RBM39: variants seen among roughly 807,000 people sequenced by gnomAD.
The protein encoded by RBM39 is RNA binding motif protein 39, also known as RNA-binding protein 39.
In RBM39, 12 loss-of-function variants were observed where a neutral mutation model predicts 79.6. The ratio of observed to expected loss-of-function variants is 0.15; its 90% confidence interval spans 0.10 to 0.24. RBM39 has a LOEUF of 0.24. RBM39 is among the 10% of genes least tolerant of loss of function. The probability of loss-of-function intolerance (pLI) is 1.00; values close to 1 mark genes in which losing one functional copy is unlikely to be tolerated. For synonymous variants in RBM39, 185 were observed against 208.4 expected, an observed-to-expected ratio of 0.89 and a Z score of 0.97; for missense variants, 243 against 653.4, an observed-to-expected ratio of 0.37 and a Z score of 6.85.
intron 3 of RBM39, among the ~76,000 whole-genome samples, chr20:35,737,746 G>A (rs1443536328): frequency 6.6e-6 from 1 of 150,982 alleles, no homozygotes. Flanking sequence ...CTACCTGGGA[G>A]GCTGAGGCAG....
At chr20:35,729,607 C>T in intron 4 of RBM39, 80 bp from the exon 5 acceptor site, 1 of 1,286,154 alleles carries the variant, frequency 7.8e-7, no homozygotes, top group Non-Finnish European at 1.1e-6. Context: ...TCCAGCAAGA[C>T]TAACATTGTT....
At chr20:35,711,324 T>C (rs544005458) in intron 12 of RBM39, among the ~76,000 whole-genome samples, 1 of 152,312 alleles carries the variant, frequency 6.6e-6, no homozygotes, top group African/African-American at 2.4e-5. Flanking sequence ...TTTCAAACTG[T>C]AATAATAAAC....
Position 35,703,588 on chromosome 20 carries a change from T to C in RBM39, c.*893A>G, listed in dbSNP as rs993555591. On this transcript the variant is annotated 3_prime_UTR_variant, in exon 17 of 17. Coordinates refer to ENST00000253363, the MANE Select transcript of RBM39 (RefSeq NM_184234.3). ...TCAAATTTCTGTAACTTTAAAACATTTGAAAAATGAAGATCTCCTGTGGCC... is the reference window on the plus strand; with the variant it reads ...TCAAATTTCTGTAACTTTAAAACATCTGAAAAATGAAGATCTCCTGTGGCC... The C allele has an allele frequency of 6.6e-6, 1 of 152,610 alleles. No homozygotes were observed. Among genetic ancestry groups the C allele is most frequent in the African/African-American group, 2.4e-5 (1 of 41,446 alleles). The allele number at this position is 152,610 out of a possible 1,614,324, so 9.5% of individuals were successfully genotyped here.
intron 4 of RBM39, among the ~76,000 whole-genome samples, chr20:35,730,066 T>C (rs574691331): frequency 6.6e-6 from 1 of 152,274 alleles, no homozygotes; most frequent in East Asian, 1.9e-4. Context: ...ACTTAGGTAT[T>C]TCCCCATTCA....
chr20:35,706,832 A>G (rs751400070), intron 14 of RBM39, among the ~76,000 whole-genome samples: 3 of 152,034 alleles, frequency 2.0e-5, no homozygotes, highest in Non-Finnish European at 2.9e-5. Flanking sequence ...GTTTGAGACC[A>G]GCCTGACCAA....
chr20:35,740,876 T>C lies in RBM39; in HGVS notation c.-2A>G. 6.2e-7 allele frequency: 1 copy of C among 1,610,892 alleles called. No individual in the cohort carries two copies. The highest frequency in any genetic ancestry group is 8.5e-7 in the Non-Finnish European group (1 of 1,178,476). On this transcript the variant is annotated 5_prime_UTR_variant, in exon 2 of 17. Transcript: ENST00000253363. The stretch of plus-strand genomic sequence containing the variant: ...TTCAATATCAATATCGTCTGCCATT[T>C]TCTCTAAACGCCTAGGAAGAGAACA...
At chr20:35,738,166 A>C (rs1459751401) in intron 3 of RBM39, among the ~76,000 whole-genome samples, 2 of 151,314 alleles carry the variant, frequency 1.3e-5, no homozygotes, top group African/African-American at 2.4e-5. Flanking sequence ...AAAGAAAAAA[A>C]AAAAAATCAA....
At chr20:35,737,807 C>T (rs553462791) in intron 3 of RBM39, among the ~76,000 whole-genome samples, 1 of 141,140 alleles carries the variant, frequency 7.1e-6, no homozygotes, top group African/African-American at 2.7e-5. Context: ...AGAGATCACA[C>T]CACTGCACTC....
intron 8 of RBM39, among the ~76,000 whole-genome samples, chr20:35,723,160 A>AT (rs369010802): frequency 6.6e-6 from 1 of 152,166 alleles, no homozygotes; most frequent in African/African-American, 2.4e-5. Flanking sequence ...TGTATATGCC[A>AT]TAACATAAAA....
intron 3 of RBM39, among the ~76,000 whole-genome samples, chr20:35,733,421 G>A (rs868521601): frequency 2.6e-5 from 4 of 151,836 alleles, no homozygotes; most frequent in South Asian, 4.2e-4. Flanking sequence ...CAGCCTAGTC[G>A]ACACGGTGAA....
intron 3 of RBM39, among the ~76,000 whole-genome samples, chr20:35,737,848 C>CAA (rs35300439): frequency 0.11 from 4,609 of 40,166 alleles, 348 homozygotes; most frequent in South Asian, 0.19. Context: ...GACTCCGTGT[C>CAA]AAAAAAAAAA....
At chr20:35,735,725 C>A (rs1054777833) in intron 3 of RBM39, among the ~76,000 whole-genome samples, 1 of 152,166 alleles carries the variant, frequency 6.6e-6, no homozygotes, top group Admixed American at 6.5e-5. Flanking sequence ...CCTGATTGAA[C>A]AAGGGAATCA....
chr20:35,737,631 G>C (rs1180080794), intron 3 of RBM39, among the ~76,000 whole-genome samples: 2 of 147,060 alleles, frequency 1.4e-5, no homozygotes, highest in Non-Finnish European at 3.0e-5. Context: ...TGGAGGCCAA[G>C]GCAGGCGGAT....
chr20:35,729,175 C>T lies in RBM39; in HGVS notation c.416+137G>A, dbSNP rs139625870. On this transcript the variant is annotated intron_variant, in intron 6 of 16. Coordinates refer to ENST00000253363, the MANE Select transcript of RBM39 (RefSeq NM_184234.3). ...GAAAACTCAGTAGAAATTCACTTGACCTTAAAGTACTGGAAGTGCAAAAGA... is the reference window on the plus strand; with the variant it reads ...GAAAACTCAGTAGAAATTCACTTGATCTTAAAGTACTGGAAGTGCAAAAGA... 4.6e-4 allele frequency: 268 copies of T among 583,642 alleles called. No homozygotes were observed. In the African/African-American group the frequency reaches 4.6e-3, roughly 10 times the overall value. The allele number at this position is 583,642 out of a possible 1,614,324, so 36.2% of individuals were successfully genotyped here.
intron 12 of RBM39, among the ~76,000 whole-genome samples, chr20:35,712,346 C>A (rs2036517865): frequency 6.8e-6 from 1 of 146,008 alleles, no homozygotes; most frequent in Non-Finnish European, 1.5e-5. Flanking sequence ...GGCACGAGAA[C>A]TGCTTGAACC....
At chr20:35,737,970 A>G (rs2040140477) in intron 3 of RBM39, among the ~76,000 whole-genome samples, 1 of 151,250 alleles carries the variant, frequency 6.6e-6, no homozygotes, top group Admixed American at 6.6e-5. Context: ...TCTGGCTAAC[A>G]CGGTGAAACT....
At chr20:35,707,452 C>T in intron 13 of RBM39, 1 of 284,384 alleles carries the variant, frequency 3.5e-6, no homozygotes, top group South Asian at 5.8e-5. Context: ...GGAAATTAAA[C>T]TTTATGTGTT....
intron 15 of RBM39, 94 bp downstream of exon 15, chr20:35,705,131 G>T: frequency 2.6e-6 from 2 of 761,010 alleles, no homozygotes; most frequent in South Asian, 1.7e-5. Context: ...AACTATAATG[G>T]AAGACGGTTA....
intron 13 of RBM39, chr20:35,708,046 T>TA (rs1295841435): frequency 6.0e-6 from 2 of 330,674 alleles, no homozygotes; most frequent in African/African-American, 4.6e-5. Flanking sequence ...AACGATCACT[T>TA]AAAGTATCAG....
Sources: gnomAD v4.1 joint callset for allele counts (sites outside exome capture counted in the v4.1 genomes callset) on GRCh38, gnomAD v4.1.1 for gene constraint, MANE v1.5 for transcripts, NCBI Gene and HGNC (gene_info 2026-07-23, HGNC 2026-07-21) for gene names.